The following SRPK2 variants were observed in gnomAD, a reference collection of about 807,000 sequenced individuals.
SRPK2 encodes SRSF protein kinase 2, also known as SFRS protein kinase 2.
SRPK2 carries 21 observed loss-of-function variants against 90.8 expected under a neutral mutation model. The observed-to-expected ratio is 0.23, with a 90% CI of 0.16 to 0.33. The LOEUF is 0.33. Among genes scored for constraint, SRPK2 ranks in the 10% least tolerant of loss-of-function variants. The probability of loss-of-function intolerance (pLI) is 1.00; values close to 1 mark genes in which losing one functional copy is unlikely to be tolerated. For synonymous variants in SRPK2, 288 were observed against 311.1 expected (o/e 0.93, Z 0.78); for missense variants, 620 against 869.0 (o/e 0.71, Z 3.60).
At chr7:105,171,845 AAATT>A (rs1359393644) in intron 3 of SRPK2, among the ~76,000 whole-genome samples, 1 of 152,214 alleles carries the variant, frequency 6.6e-6, no homozygotes, top group Non-Finnish European at 1.5e-5. Flanking sequence ...GATTAAACTA[AAATT>A]AATTAAAAGA....
intron 7 of SRPK2, among the ~76,000 whole-genome samples, chr7:105,147,311 T>A (rs1013586167): frequency 2.0e-5 from 3 of 152,170 alleles, no homozygotes; most frequent in East Asian, 3.8e-4. Context: ...ATTTATTTTT[T>A]AAATTTTTTA....
At position 105,323,672 on chromosome 7, in the gene SRPK2, A is replaced by G. The variant is rs530138191; in HGVS notation, c.71+64976T>C. Among the ~76,000 whole-genome samples the G allele has an allele frequency of 2.4e-4, 37 of 152,358 alleles. 1 individual carries two copies. The highest frequency in any genetic ancestry group is 7.9e-4 in the African/African-American group (33 of 41,588). ...TAGATGCTACATGCTAACACAAAAC[A>G]TAAAGGAATAGTGTTTCTTGCCTTT... On this transcript the variant is annotated intron_variant, in intron 2 of 15. Coordinates refer to ENST00000393651, the MANE Select transcript of SRPK2 (RefSeq NM_182692.3).
intron 4 of SRPK2, among the ~76,000 whole-genome samples, chr7:105,168,755 GT>G (rs1487698453): frequency 1.4e-5 from 2 of 147,164 alleles, no homozygotes; most frequent in African/African-American, 5.0e-5. Context: ...ATGTGTGTGT[GT>G]GTGTGTGTGT....
intron 2 of SRPK2, among the ~76,000 whole-genome samples, chr7:105,264,830 T>G (rs6945585): frequency 0.46 from 70,379 of 151,974 alleles, 17,135 homozygotes; most frequent in South Asian, 0.53. Context: ...ATGCTATGTG[T>G]GAATGCAGTC....
intron 2 of SRPK2, among the ~76,000 whole-genome samples, chr7:105,223,418 C>A (rs61280887): frequency 3.9e-5 from 6 of 152,200 alleles, no homozygotes; most frequent in Non-Finnish European, 8.8e-5. Flanking sequence ...ATACATACCT[C>A]CCTGCCCAAG....
At chr7:105,309,980 G>T (rs1811529026) in intron 2 of SRPK2, among the ~76,000 whole-genome samples, 1 of 152,236 alleles carries the variant, frequency 6.6e-6, no homozygotes, top group Admixed American at 6.5e-5. Flanking sequence ...CAATGACAGA[G>T]GTAGGCAAAG....
chr7:105,254,946 T>A (rs1413202642), intron 2 of SRPK2, among the ~76,000 whole-genome samples: 1 of 151,716 alleles, frequency 6.6e-6, no homozygotes, highest in Non-Finnish European at 1.5e-5. Context: ...CGCCTCGGCC[T>A]CCCAAAGTGC....
chr7:105,393,268 T>C (rs1222216646), upstream of SRPK2, among the ~76,000 whole-genome samples: 1 of 150,124 alleles, frequency 6.7e-6, no homozygotes, highest in Non-Finnish European at 1.5e-5. Flanking sequence ...AGTGTTGGGA[T>C]TGCAGGCTTG....
At chr7:105,321,173 T>C (rs968390752) in intron 2 of SRPK2, among the ~76,000 whole-genome samples, 2 of 152,026 alleles carry the variant, frequency 1.3e-5, no homozygotes, top group Non-Finnish European at 1.5e-5. Flanking sequence ...TAAACAGATA[T>C]ACACATGCAC....
intron 8 of SRPK2, 123 bp downstream of exon 8, chr7:105,146,370 A>G (rs1036814495): frequency 3.4e-6 from 3 of 882,576 alleles, no homozygotes; most frequent in Non-Finnish European, 5.0e-6. Context: ...AGTTATTTCC[A>G]GCAATTAAAC....
intron 2 of SRPK2, among the ~76,000 whole-genome samples, chr7:105,291,449 C>T (rs562819379): frequency 1.3e-5 from 2 of 152,158 alleles, no homozygotes; most frequent in African/African-American, 2.4e-5. Flanking sequence ...CTTTGTGAGG[C>T]TGGGCACAGT....
intron 15 of SRPK2, 37 bp downstream of exon 15, chr7:105,126,211 C>G (rs375848047): frequency 6.7e-7 from 1 of 1,494,766 alleles, no homozygotes; most frequent in Non-Finnish European, 9.3e-7. Flanking sequence ...CAGTTTCTGT[C>G]TGCATCGTGG....
intron 2 of SRPK2, among the ~76,000 whole-genome samples, chr7:105,302,643 C>T (rs1482702233): frequency 1.3e-5 from 2 of 152,062 alleles, no homozygotes; most frequent in Non-Finnish European, 2.9e-5. Flanking sequence ...GAAAGGTGAA[C>T]TGCTTCCCTT....
At chr7:105,279,701 G>A (rs1042290647) in intron 2 of SRPK2, among the ~76,000 whole-genome samples, 9 of 152,132 alleles carry the variant, frequency 5.9e-5, no homozygotes, top group East Asian at 1.9e-4. Context: ...AATTACTCCC[G>A]TTAGCAATGA....
In SRPK2 at chr7:105,374,132, G is replaced by A. The variant is rs556291253; in HGVS notation, c.71+14516C>T. ...AGTAGAGACGGGGTTTCACCATGTT[G>A]GCCAGGCTGGTCTCAAACTCCTCAC... On this transcript the variant is annotated intron_variant, in intron 2 of 15. Transcript: ENST00000393651. Among the ~76,000 whole-genome samples the A allele has an allele frequency of 2.1e-4, 32 of 151,970 alleles. No individual in the cohort carries two copies. The Middle Eastern group carries it at 0.01, about 49-fold the overall frequency.
upstream of SRPK2, among the ~76,000 whole-genome samples, chr7:105,390,426 TTCTA>T (rs1281371660): frequency 6.6e-6 from 1 of 151,532 alleles, no homozygotes; most frequent in African/African-American, 2.4e-5. Context: ...TTGGTTTTCT[TTCTA>T]TTTATTTATT....
chr7:105,194,934 T>C lies in SRPK2; in HGVS notation c.229+8694A>G, dbSNP rs79229679. ...AACTGAATAGGTGGGGGAACAAGTC[T>C]TCTCGATAAATGGTGCTGCAGCAAC... On this transcript the variant is annotated intron_variant, in intron 3 of 15. Coordinates refer to ENST00000393651, the MANE Select transcript of SRPK2 (RefSeq NM_182692.3). Among the ~76,000 whole-genome samples the C allele has an allele frequency of 3.1e-3, 466 of 152,286 alleles. 14 individuals carry two copies. In the East Asian group the frequency reaches 0.062, roughly 20 times the overall value.
chr7:105,135,796 A>C, intron 11 of SRPK2, among the ~76,000 whole-genome samples: 1 of 146,270 alleles, frequency 6.8e-6, no homozygotes, highest in Non-Finnish European at 1.5e-5. Context: ...ACAGAGTCTC[A>C]CTCTGTCGCC....
At chr7:105,245,034 AACACACACACACACACACACAC>A (rs58717493) in intron 2 of SRPK2, 7 of 524,146 alleles carry the variant, frequency 1.3e-5, no homozygotes, top group East Asian at 9.5e-5. Flanking sequence ...AAACAAAACA[AACACACACACACACACACACAC>A]ACACACACAC....
Sources: gnomAD v4.1 joint callset for allele counts (sites outside exome capture counted in the v4.1 genomes callset) on GRCh38, gnomAD v4.1.1 for gene constraint, MANE v1.5 for transcripts, NCBI Gene and HGNC (gene_info 2026-07-23, HGNC 2026-07-21) for gene names.